The following ICA1 variants were observed in gnomAD, a reference collection of about 807,000 sequenced individuals.
ICA1 encodes islet cell autoantigen 1.
Under a neutral mutation model 71.0 loss-of-function variants are expected in ICA1, and 40 were observed. The observed-to-expected ratio is 0.56, with a 90% CI of 0.44 to 0.73. The LOEUF is 0.73. Ranked by LOEUF, ICA1 falls within the 30% of genes least tolerant of loss-of-function variation. The probability of loss-of-function intolerance (pLI) is 0.00; values close to 1 mark genes in which losing one functional copy is unlikely to be tolerated. For synonymous variants in ICA1, 207 were observed against 209.5 expected (o/e 0.99, Z 0.10); for missense variants, 578 against 576.5 (o/e 1.00, Z -0.03).
Position 8,130,318 on chromosome 7 carries a change from G to C in ICA1, c.1061-2176C>G, listed in dbSNP as rs530394735. On this transcript the variant is annotated intron_variant, in intron 12 of 13. Transcript: ENST00000402384. This position sits in a 1 kb window ranked among gnomAD's most constrained non-coding sequence, Gnocchi z 4.2. ...CATGGTGGGCGAGGCAGGACTGTAA[G>C]GTCAGGCAGGTGGCCCACCTCTGTG... Among the ~76,000 whole-genome samples, 280 of 152,248 alleles carry C rather than the reference G, an allele frequency of 1.8e-3. 1 individual carries two copies. Among genetic ancestry groups the C allele is most frequent in the African/African-American group, 6.3e-3 (262 of 41,484 alleles).
chr7:8,202,551 G>A (rs572375980), intron 6 of ICA1, among the ~76,000 whole-genome samples: 1 of 152,264 alleles, frequency 6.6e-6, no homozygotes, highest in South Asian at 2.1e-4. Flanking sequence ...AAATGTCAAA[G>A]TACTGTATTT....
chr7:8,128,218 GA>G, intron 12 of ICA1, 76 bp from the exon 13 acceptor site: 1 of 1,461,028 alleles, frequency 6.8e-7, no homozygotes, highest in Non-Finnish European at 9.3e-7. Context: ...TGGGGGCTGC[GA>G]AGGGGGAGAC....
intron 6 of ICA1, among the ~76,000 whole-genome samples, chr7:8,160,896 A>C (rs941800808): frequency 6.6e-6 from 1 of 152,214 alleles, no homozygotes; most frequent in African/African-American, 2.4e-5. Context: ...AGGAATAGGA[A>C]GGCAGAAAAA....
chr7:8,163,569 G>A (rs979674448), intron 6 of ICA1, among the ~76,000 whole-genome samples: 5 of 152,284 alleles, frequency 3.3e-5, no homozygotes, highest in African/African-American at 1.2e-4. Context: ...GTACTCAGAA[G>A]GAAAGTCACA....
intron 6 of ICA1, among the ~76,000 whole-genome samples, chr7:8,183,315 G>C (rs1782802039): frequency 6.6e-6 from 1 of 152,068 alleles, no homozygotes; most frequent in Non-Finnish European, 1.5e-5. Context: ...CCAGATATTT[G>C]TCCCGTTAAA....
chr7:8,248,736 A>G (rs1807035718), intron 1 of ICA1, among the ~76,000 whole-genome samples: 1 of 152,164 alleles, frequency 6.6e-6, no homozygotes, highest in African/African-American at 2.4e-5. Flanking sequence ...CTCTCGAAAG[A>G]AAAGAAAATA....
At chr7:8,257,522 C>G (rs2128554517) in intron 1 of ICA1, among the ~76,000 whole-genome samples, 1 of 152,276 alleles carries the variant, frequency 6.6e-6, no homozygotes, top group Non-Finnish European at 1.5e-5. Flanking sequence ...AGTCTCCAAT[C>G]TAGACTCTTA....
intron 6 of ICA1, among the ~76,000 whole-genome samples, chr7:8,217,540 T>A (rs1218305742): frequency 6.6e-6 from 1 of 152,182 alleles, no homozygotes; most frequent in African/African-American, 2.4e-5. Context: ...AGCCTAACAT[T>A]TGGCTGATTC....
intron 13 of ICA1, among the ~76,000 whole-genome samples, chr7:8,120,850 T>C (rs1406783258): frequency 6.6e-6 from 1 of 152,150 alleles, no homozygotes; most frequent in Non-Finnish European, 1.5e-5. Context: ...AGCTGCGCTT[T>C]GCCATGGGTG....
chr7:8,225,499 A>T (rs1259773011), intron 4 of ICA1, among the ~76,000 whole-genome samples: 9 of 152,176 alleles, frequency 5.9e-5, no homozygotes, highest in Admixed American at 5.9e-4. Context: ...CCCCAATCCT[A>T]GAATCAACCA....
intron 8 of ICA1, among the ~76,000 whole-genome samples, chr7:8,152,651 C>T (rs957810957): frequency 2.7e-3 from 401 of 148,486 alleles, no homozygotes; most frequent in African/African-American, 9.6e-3. Context: ...CCTCCACCAC[C>T]ACCACCACCA....
Position 8,210,645 on chromosome 7 carries a change from A to AT in ICA1, c.579+7659_579+7660insA, listed in dbSNP as rs1428501239. Among the ~76,000 whole-genome samples the AT allele has an allele frequency of 3.1e-3, 14 of 4,550 alleles. No homozygotes were observed. The East Asian group carries it at 0.3, about 99-fold the overall frequency. The allele number at this position is 4,550 out of a possible 152,430, so 3.0% of individuals were successfully genotyped here. On this transcript the variant is annotated intron_variant, in intron 6 of 13. Coordinates refer to ENST00000402384, the MANE Select transcript of ICA1 (RefSeq NM_001136020.3). ...CCATCCAACTAAAAGTAGACCACAG[A>AT]GGGGAAAAAAAAATCCCTGAACACA...
chr7:8,239,072 A>G (rs10250445), intron 1 of ICA1, among the ~76,000 whole-genome samples: 56,731 of 152,116 alleles, frequency 0.37, 11,049 homozygotes, highest in East Asian at 0.5. Context: ...CAAAGGAATC[A>G]TAAGTGGTCA....
At chr7:8,180,073 T>G (rs182846186) in intron 6 of ICA1, among the ~76,000 whole-genome samples, 5 of 152,138 alleles carry the variant, frequency 3.3e-5, no homozygotes, top group African/African-American at 1.2e-4. Flanking sequence ...ATATACAGTT[T>G]TTTTTGCTCC....
At chr7:8,128,438 A>T (rs994062698) in intron 12 of ICA1, among the ~76,000 whole-genome samples, 1 of 152,206 alleles carries the variant, frequency 6.6e-6, no homozygotes, top group Admixed American at 6.5e-5. Flanking sequence ...CATTTCTCAG[A>T]TATGAAACAA....
chr7:8,127,585 G>C (rs1205176195), intron 13 of ICA1, among the ~76,000 whole-genome samples: 3 of 152,136 alleles, frequency 2.0e-5, no homozygotes, highest in African/African-American at 7.2e-5. Flanking sequence ...CATGAAAGCA[G>C]TTTGATCCTC....
intron 6 of ICA1, among the ~76,000 whole-genome samples, chr7:8,200,338 C>CGA (rs1554335452): frequency 2.9e-5 from 2 of 67,964 alleles, no homozygotes; most frequent in Non-Finnish European, 5.1e-5. Context: ...CACAGTTGAG[C>CGA]AAAAAAAAAA....
At chr7:8,262,182 AG>A (rs1812783206), upstream of ICA1, 1 of 152,014 alleles carries the variant, frequency 6.6e-6, no homozygotes, top group Non-Finnish European at 1.5e-5. Flanking sequence ...GCCGAAGGCG[AG>A]GGAAAGGGGC....
Position 8,127,947 on chromosome 7 carries a change from G to T in ICA1, c.1256C>A (p.Ala419Asp). 2 of 1,614,206 alleles carry T rather than the reference G, an allele frequency of 1.2e-6. No individual in the cohort carries two copies. The highest frequency in any genetic ancestry group is 1.7e-6 in the Non-Finnish European group (2 of 1,180,026). The change falls in exon 13 of 14, where the codon GCC (alanine) becomes GAC (aspartate). Residue 419 changes from alanine (A) to aspartate (D), a missense_variant. By Grantham distance (126) the Ala-to-Asp change is moderately radical (BLOSUM62 -2). Coordinates refer to ENST00000402384, the MANE Select transcript of ICA1 (RefSeq NM_001136020.3). ...AGGAAGGAAACCTGAGCCTGTCTGG[G>T]CCTTGGGGTCTGGCTCTCCCAGGGC... Reference protein sequence around the residue: ...TMALGEPDPKAQTGSGFLPSQ... With the variant: ...TMALGEPDPKDQTGSGFLPSQ...
Sources: allele counts gnomAD v4.1 joint callset (sites outside exome capture counted in the v4.1 genomes callset), GRCh38; gene constraint gnomAD v4.1.1; non-coding constraint Gnocchi (gnomAD v3.1); transcripts MANE v1.5; gene names NCBI Gene and HGNC (gene_info 2026-07-23, HGNC 2026-07-21).